Variants in CAPN2 observed in about 807,000 individuals in gnomAD.
CAPN2 encodes the protein calpain-2 catalytic subunit.
A neutral mutation model predicts 102.3 loss-of-function variants in CAPN2; 92 were observed. That is an observed-to-expected ratio of 0.90 (90% confidence interval 0.76 to 1.07). The LOEUF is 1.07. Among genes scored for constraint, CAPN2 ranks in the 50% least tolerant of loss-of-function variants. The pLI, the probability that CAPN2 is intolerant of heterozygous loss-of-function variation, is 0.00. For synonymous variants in CAPN2, 340 were observed against 355.4 expected, an observed-to-expected ratio of 0.96 and a Z score of 0.49; for missense variants, 800 against 909.4, an observed-to-expected ratio of 0.88 and a Z score of 1.55.
Position 223,752,663 on chromosome 1 carries a change from G to A in CAPN2, c.975-133G>A, listed in dbSNP as rs953072341. The A allele has an allele frequency of 1.1e-5, 8 of 724,510 alleles. No individual in the cohort carries two copies. In the South Asian group the frequency reaches 1.3e-4, roughly 12 times the overall value. 44.9% of individuals were successfully genotyped at this position (724,510 alleles called of 1,614,324 possible). A position where few individuals can be genotyped will look rare whatever the true frequency, so the allele number is the denominator to read the frequency against. ...ATCTGGGCCTTCTGATTCTGAACCT[G>A]GTGCCCATCCACTCAGTTCTAATGA... is the stretch of plus-strand genomic sequence containing the variant. On this transcript the variant is annotated intron_variant, in intron 8 of 20. Transcript: ENST00000295006.
intron 18 of CAPN2, 152 bp from the exon 19 acceptor site, chr1:223,771,657 G>T: frequency 1.5e-6 from 1 of 663,250 alleles, no homozygotes. Context: ...TACTGGCTTT[G>T]CAAAATCAAA....
At position 223,756,487 on chromosome 1, in the gene CAPN2, A is replaced by G. The variant is rs1661040208; in HGVS notation, c.1305+838A>G. On this transcript the variant is annotated intron_variant, in intron 10 of 20. Transcript: ENST00000295006. This position sits in a 1 kb window ranked among gnomAD's most constrained non-coding sequence, Gnocchi z 4.1. Reference sequence around the variant, plus strand: ...CTGAGGTCCTTCAGCAGCCTGAAAAATGGCCCTGGCAGGGACCTGTTTACA... The same window carrying G: ...CTGAGGTCCTTCAGCAGCCTGAAAAGTGGCCCTGGCAGGGACCTGTTTACA... Among the ~76,000 whole-genome samples the G allele has an allele frequency of 1.3e-5, 2 of 152,134 alleles. No homozygotes were observed. The highest frequency in any genetic ancestry group is 4.8e-5 in the African/African-American group (2 of 41,404).
At position 223,759,248 on chromosome 1, in the gene CAPN2, T is replaced by G; in HGVS notation, c.1318-22T>G. 3 of 1,604,068 alleles carry G rather than the reference T, an allele frequency of 1.9e-6. No homozygotes were observed. Among genetic ancestry groups the G allele is most frequent in the Non-Finnish European group, 2.6e-6 (3 of 1,170,912 alleles). Reference sequence around the variant, plus strand: ...GGAGGCTTCCCCTCATCTACCCCCATGTTTCTCTATTTATTCCTCAGTTAA... The same window carrying G: ...GGAGGCTTCCCCTCATCTACCCCCAGGTTTCTCTATTTATTCCTCAGTTAA... On this transcript the variant is annotated intron_variant, in intron 11 of 20. Coordinates refer to ENST00000295006, the MANE Select transcript of CAPN2 (RefSeq NM_001748.5). The surrounding 1 kb of genome is among the most constrained non-coding windows in gnomAD (Gnocchi z 4.6).
chr1:223,720,315 C>CTCTT lies in CAPN2; in HGVS notation c.307+2485_307+2486insCTTT, dbSNP rs564518898. On this transcript the variant is annotated intron_variant, in intron 2 of 20. Transcript: ENST00000295006. ...TCATCCTTATTTTCTCTCTTTCTCTCTTTTTTTTTTTTTTTTTTTGACAGG... is the reference window on the plus strand; with the variant it reads ...TCATCCTTATTTTCTCTCTTTCTCTCTCTTTTTTTTTTTTTTTTTTTTTGACAGG... Among the ~76,000 whole-genome samples the CTCTT allele has an allele frequency of 4.7e-5, 5 of 107,494 alleles. No homozygotes were observed. In the Admixed American group the frequency reaches 6.1e-4, roughly 13 times the overall value. 70.5% of individuals were successfully genotyped at this position (107,494 alleles called of 152,430 possible).
In CAPN2 at chr1:223,712,800, A is replaced by G; in HGVS notation, c.160A>G (p.Ile54Val). 1 of 1,581,056 alleles carries G rather than the reference A, an allele frequency of 6.3e-7. No individual in the cohort carries two copies. The highest frequency in any genetic ancestry group is 8.6e-7 in the Non-Finnish European group (1 of 1,166,296). ...CTTCCAGGACCCGTCCTTCCCGGCCATCCCCTCGGCCCTGGGCTTCAAGGA... is the reference window on the plus strand; with the variant it reads ...CTTCCAGGACCCGTCCTTCCCGGCCGTCCCCTCGGCCCTGGGCTTCAAGGA... Reference protein sequence around the residue: ...TLFQDPSFPAIPSALGFKELG... With the variant: ...TLFQDPSFPAVPSALGFKELG... The change falls in exon 1 of 21, where the codon ATC (isoleucine) becomes GTC (valine). Residue 54 changes from isoleucine (I) to valine (V), a missense_variant. Ile to Val is a conservative substitution (Grantham distance 29, BLOSUM62 3). Transcript: ENST00000295006.
intron 11 of CAPN2, chr1:223,757,843 TTG>T (rs1661075542): frequency 2.0e-5 from 3 of 150,736 alleles, no homozygotes; most frequent in African/African-American, 1.1e-4. Context: ...TTTCAGGGTT[TTG>T]TTTTTTTTTT....
intron 2 of CAPN2, among the ~76,000 whole-genome samples, chr1:223,730,890 A>T (rs1371800735): frequency 1.3e-5 from 2 of 152,208 alleles, no homozygotes; most frequent in African/African-American, 4.8e-5. Flanking sequence ...TCAACTTCTG[A>T]TGGATTTGTT....
intron 3 of CAPN2, among the ~76,000 whole-genome samples, chr1:223,744,887 CA>C (rs11301768): frequency 0.24 from 35,669 of 151,272 alleles, 7,171 homozygotes; most frequent in African/African-American, 0.55. Flanking sequence ...ACTAAAAACA[CA>C]AAAAAAATTA....
intron 2 of CAPN2, among the ~76,000 whole-genome samples, chr1:223,723,118 T>C (rs1660098941): frequency 6.6e-6 from 1 of 152,110 alleles, no homozygotes; most frequent in Non-Finnish European, 1.5e-5. Flanking sequence ...AACCCGAGTT[T>C]GGGACCAGCT....
chr1:223,765,115 G>A (rs1661278733), intron 15 of CAPN2, among the ~76,000 whole-genome samples: 6 of 152,260 alleles, frequency 3.9e-5, no homozygotes, highest in Admixed American at 3.9e-4. Flanking sequence ...AGAGACAAAT[G>A]CAGTCATGGT....
intron 1 of CAPN2, among the ~76,000 whole-genome samples, chr1:223,702,560 G>A (rs771695590): frequency 5.9e-5 from 9 of 152,128 alleles, no homozygotes; most frequent in African/African-American, 1.9e-4. Context: ...CCTGAAAACC[G>A]AAATTAATAT....
chr1:223,712,833 C>A lies in CAPN2; in HGVS notation c.193C>A (p.Pro65Thr), dbSNP rs776274069. Residue 65 changes from proline to threonine, a missense_variant, in exon 1 of 21, where the codon CCC becomes ACC. Physicochemically the swap from Pro to Thr is conservative, Grantham distance 38 (BLOSUM62 -1). Coordinates refer to ENST00000295006, the MANE Select transcript of CAPN2 (RefSeq NM_001748.5). Reference sequence around the variant, plus strand: ...GGCCCTGGGCTTCAAGGAGTTGGGGCCCTACTCCAGCAAAACCCGGGGCAT... The same window carrying A: ...GGCCCTGGGCTTCAAGGAGTTGGGGACCTACTCCAGCAAAACCCGGGGCAT... ...PSALGFKELGPYSSKTRGIEW... is the reference protein window; with the variant it reads ...PSALGFKELGTYSSKTRGIEW... The A allele has an allele frequency of 6.4e-7, 1 of 1,564,134 alleles. No homozygotes were observed.
chr1:223,748,784 G>T (rs2102800096), intron 5 of CAPN2, among the ~76,000 whole-genome samples: 1 of 152,330 alleles, frequency 6.6e-6, no homozygotes, highest in South Asian at 2.1e-4. Context: ...CTATTCACAC[G>T]GGAATGCCTG....
In CAPN2 at chr1:223,764,148, A is replaced by G. The variant is rs915958344; in HGVS notation, c.1633-2A>G. 2.5e-6 allele frequency: 4 copies of G among 1,613,470 alleles called. No homozygotes were observed. The highest frequency in any genetic ancestry group is 3.4e-6 in the Non-Finnish European group (4 of 1,179,510). On this transcript the variant is annotated splice_acceptor_variant, in intron 14 of 20. Coordinates refer to ENST00000295006, the MANE Select transcript of CAPN2 (RefSeq NM_001748.5). LOFTEE classifies it high-confidence loss of function. ...AACTATGCTCTGGTTATGTGTCCAC[A>G]GGATGCGGAGATCTCTGCCTTTGAG...
At chr1:223,729,872 G>A (rs1660290265) in intron 2 of CAPN2, among the ~76,000 whole-genome samples, 2 of 151,930 alleles carry the variant, frequency 1.3e-5, no homozygotes, top group Non-Finnish European at 2.9e-5. Context: ...GCATGGCGGT[G>A]TATGCCTGTA....
rs1252560144 is a variant in CAPN2, at chr1:223,726,714, T to A, written c.307+8883T>A. Among the ~76,000 whole-genome samples the A allele has an allele frequency of 6.6e-6, 1 of 152,280 alleles. No individual in the cohort carries two copies. Among genetic ancestry groups the A allele is most frequent in the African/African-American group, 2.4e-5 (1 of 41,562 alleles). On this transcript the variant is annotated intron_variant, in intron 2 of 20. Transcript: ENST00000295006. This position sits in a 1 kb window ranked among gnomAD's most constrained non-coding sequence, Gnocchi z 4.4. Reference sequence around the variant, plus strand: ...TTTAGGGAAGGAGGCTGAAGACTTCTTGTTAATAAGGGTGGGGCATGAGTA... The same window carrying A: ...TTTAGGGAAGGAGGCTGAAGACTTCATGTTAATAAGGGTGGGGCATGAGTA...
rs138416383 is a variant in CAPN2 at position 223,706,551 on chromosome 1, C to T, written c.3+4720C>T. ...TCTGCCCTCCTACACTGGGTATGGA[C>T]AGACCCCAAGGGACCATGGTCTAGG... On this transcript the variant is annotated intron_variant, in intron 1 of 20. Coordinates refer to the CAPN2 transcript ENST00000433674. Among the ~76,000 whole-genome samples the T allele has an allele frequency of 3.3e-3, 499 of 152,256 alleles. 1 individual carries two copies. The highest frequency in any genetic ancestry group is 5.4e-3 in the Non-Finnish European group (370 of 68,008).
chr1:223,762,840 C>T (rs918535195), intron 14 of CAPN2, among the ~76,000 whole-genome samples: 8 of 152,054 alleles, frequency 5.3e-5, no homozygotes, highest in Non-Finnish European at 1.2e-4. Context: ...ACCACCATGT[C>T]TAGCTAATTT....
upstream of CAPN2, chr1:223,712,307 C>G (rs1659749100): frequency 3.2e-6 from 1 of 313,060 alleles, no homozygotes; most frequent in African/African-American, 2.3e-5. Context: ...GGTGGGAGCC[C>G]CAACTCTGGA....
Sources: allele counts gnomAD v4.1 joint callset (sites outside exome capture counted in the v4.1 genomes callset), GRCh38; gene constraint gnomAD v4.1.1; non-coding constraint Gnocchi (gnomAD v3.1); transcripts MANE v1.5; gene names NCBI Gene and HGNC (gene_info 2026-07-23, HGNC 2026-07-21).